The following CNNM2 variants were observed in gnomAD, a reference collection of about 807,000 sequenced individuals.
CNNM2 encodes cyclin and CBS domain divalent metal cation transport mediator 2.
Under a neutral mutation model 66.9 loss-of-function variants are expected in CNNM2, and 12 were observed. The ratio of observed to expected loss-of-function variants is 0.18; its 90% CI spans 0.11 to 0.29. The LOEUF (loss-of-function observed/expected upper bound fraction) is 0.29. CNNM2 is among the 10% of genes least tolerant of loss of function. The probability of loss-of-function intolerance (pLI) is 1.00; values close to 1 mark genes in which losing one functional copy is unlikely to be tolerated. For synonymous variants in CNNM2, 557 were observed against 501.8 expected (o/e 1.11, Z -1.47); for missense variants, 705 against 1,167.7 (o/e 0.60, Z 5.77).
At position 102,943,179 on chromosome 10, in the gene CNNM2, C is replaced by T. The variant is rs192896353; in HGVS notation, c.1621+23078C>T. Among the ~76,000 whole-genome samples the T allele has an allele frequency of 2.3e-3, 348 of 151,970 alleles. 4 individuals carry two copies. The highest frequency in any genetic ancestry group is 7.9e-3 in the African/African-American group (328 of 41,422). On this transcript the variant is annotated intron_variant, in intron 1 of 7. Coordinates refer to ENST00000369878, the MANE Select transcript of CNNM2 (RefSeq NM_017649.5). ...GGTGGAGGTTGCAGTGAGCTGAGAT[C>T]GTGCCACTGCACTTCAGCCTGGGTG...
intron 1 of CNNM2, among the ~76,000 whole-genome samples, chr10:102,933,640 A>T (rs1846133346): frequency 6.6e-6 from 1 of 152,158 alleles, no homozygotes; most frequent in African/African-American, 2.4e-5. Context: ...TGCCACTTTT[A>T]TATGTAGATA....
chr10:103,056,645 C>A, intron 3 of CNNM2, 150 bp from the exon 4 acceptor site: 1 of 712,122 alleles, frequency 1.4e-6, no homozygotes, highest in African/African-American at 1.8e-5. Context: ...GTAATCTGTC[C>A]CCAGTGGATC....
intron 1 of CNNM2, among the ~76,000 whole-genome samples, chr10:102,954,912 A>G (rs1199151266): frequency 6.6e-6 from 1 of 152,204 alleles, no homozygotes; most frequent in Non-Finnish European, 1.5e-5. Flanking sequence ...TTCCATGCTC[A>G]TGGATAGGAA....
At chr10:102,927,499 C>T (rs1272940504) in intron 1 of CNNM2, 4 of 1,562,936 alleles carry the variant, frequency 2.6e-6, no homozygotes, top group South Asian at 1.1e-5. Context: ...GTGGCTCATG[C>T]CTGTAATCCC....
chr10:103,071,943 T>G (rs532589166), intron 6 of CNNM2, 104 bp downstream of exon 6: 2 of 990,474 alleles, frequency 2.0e-6, no homozygotes, highest in South Asian at 2.6e-5. Context: ...CAGGCTGTTT[T>G]CAGTGTTCCT....
intron 1 of CNNM2, among the ~76,000 whole-genome samples, chr10:102,925,537 T>G (rs368429518): frequency 3.1e-4 from 47 of 152,282 alleles, no homozygotes; most frequent in African/African-American, 1.1e-3. Context: ...ATGACCTATT[T>G]AGGGCCACCT....
Position 103,089,916 on chromosome 10 carries a change from G to C in CNNM2, c.*12736G>C, listed in dbSNP as rs1298594704. ...CGTTGATTCATGAGGCATCTAGACA[G>C]AAAAAAGCTAGAGGCTCAGAAAGCA... On this transcript the variant is annotated 3_prime_UTR_variant, in exon 8 of 8. Coordinates refer to ENST00000369878, the MANE Select transcript of CNNM2 (RefSeq NM_017649.5). 39 of 1,572,186 alleles carry C rather than the reference G, an allele frequency of 2.5e-5. No individual in the cohort carries two copies. The East Asian group carries it at 8.6e-4, about 35-fold the overall frequency.
intron 1 of CNNM2, among the ~76,000 whole-genome samples, chr10:102,938,830 T>C (rs571148269): frequency 6.6e-6 from 1 of 152,240 alleles, no homozygotes; most frequent in East Asian, 1.9e-4. Flanking sequence ...ACCTGATTAC[T>C]GTAGAGTGAA....
At chr10:102,920,957 C>T (rs550879525) in intron 1 of CNNM2, 339 of 333,102 alleles carry the variant, frequency 1.0e-3, no homozygotes, top group Non-Finnish European at 1.3e-3. Flanking sequence ...TCTATTGGGG[C>T]TTATTTATTT....
intron 4 of CNNM2, among the ~76,000 whole-genome samples, chr10:103,059,213 A>C (rs1343699035): frequency 6.6e-6 from 1 of 152,130 alleles, no homozygotes; most frequent in Non-Finnish European, 1.5e-5. Context: ...ACCTCAAGTG[A>C]TCCACCTGCC....
chr10:102,948,494 T>G (rs10883805), intron 1 of CNNM2, among the ~76,000 whole-genome samples: 2 of 151,712 alleles, frequency 1.3e-5, no homozygotes, highest in Non-Finnish European at 2.9e-5. Context: ...CACAAATAAT[T>G]TGTGTGTGTG....
At chr10:102,950,564 C>T (rs1846787550) in intron 1 of CNNM2, among the ~76,000 whole-genome samples, 1 of 151,948 alleles carries the variant, frequency 6.6e-6, no homozygotes, top group African/African-American at 2.4e-5. Context: ...GAGTTCTAGA[C>T]CAGCCTGGAC....
At chr10:102,976,466 C>T (rs1310848166) in intron 1 of CNNM2, among the ~76,000 whole-genome samples, 2 of 108,786 alleles carry the variant, frequency 1.8e-5, no homozygotes, top group African/African-American at 3.5e-5. Flanking sequence ...TGGAATCTTG[C>T]TCTGTCACCC....
chr10:103,006,728 G>T (rs1352832137), intron 1 of CNNM2, among the ~76,000 whole-genome samples: 1 of 152,260 alleles, frequency 6.6e-6, no homozygotes, highest in African/African-American at 2.4e-5. Flanking sequence ...TCTAGCTCAA[G>T]CGGTCCTCCT....
At chr10:102,993,941 G>C (rs980822215) in intron 1 of CNNM2, among the ~76,000 whole-genome samples, 1 of 151,656 alleles carries the variant, frequency 6.6e-6, no homozygotes, top group Non-Finnish European at 1.5e-5. Context: ...TCTTTTTTCT[G>C]TGTGTGTGTG....
intron 6 of CNNM2, 120 bp downstream of exon 6, chr10:103,071,959 C>T (rs1311328739): frequency 1.2e-5 from 10 of 868,846 alleles, no homozygotes; most frequent in South Asian, 4.1e-5. Flanking sequence ...TTCCTTGGAG[C>T]GCTAAAGCTC....
intron 1 of CNNM2, among the ~76,000 whole-genome samples, chr10:102,960,226 G>A (rs1037140960): frequency 5.3e-5 from 8 of 152,116 alleles, no homozygotes; most frequent in African/African-American, 1.9e-4. Context: ...TTTTCTATTT[G>A]CACTTTATTG....
chr10:103,071,637 C>T (rs1590504695), intron 5 of CNNM2, 137 bp from the exon 6 acceptor site: 1 of 774,524 alleles, frequency 1.3e-6, no homozygotes, highest in South Asian at 1.4e-5. Context: ...TTCTATAATA[C>T]CATACCGACT....
chr10:103,072,245 C>T (rs1169861845), intron 6 of CNNM2, among the ~76,000 whole-genome samples: 9 of 152,142 alleles, frequency 5.9e-5, no homozygotes, highest in African/African-American at 9.7e-5. Context: ...ACCCTGAGGC[C>T]GCTTTTATAG....
Sources: allele counts gnomAD v4.1 joint callset (sites outside exome capture counted in the v4.1 genomes callset), GRCh38; gene constraint gnomAD v4.1.1; transcripts MANE v1.5; gene names NCBI Gene and HGNC (gene_info 2026-07-23, HGNC 2026-07-21).